Variants in NCAPG2 observed in about 807,000 individuals in gnomAD.
The protein encoded by NCAPG2 is condensin-2 complex subunit G2.
A neutral mutation model predicts 141.1 loss-of-function variants in NCAPG2; 53 were observed. The ratio of observed to expected loss-of-function variants is 0.38; its 90% CI spans 0.30 to 0.47. The LOEUF (loss-of-function observed/expected upper bound fraction) is 0.47. Ranked by LOEUF, NCAPG2 falls within the 20% of genes least tolerant of loss-of-function variation. The probability of loss-of-function intolerance (pLI) is 0.99; values close to 1 mark genes in which losing one functional copy is unlikely to be tolerated. For missense variants in NCAPG2, 1,087 were observed against 1,389.0 expected (o/e 0.78, Z 3.46); for synonymous variants, 499 against 490.7 (o/e 1.02, Z -0.22).
intron 9 of NCAPG2, among the ~76,000 whole-genome samples, chr7:158,683,071 A>G (rs1834538274): frequency 6.6e-6 from 1 of 152,218 alleles, no homozygotes; most frequent in South Asian, 2.1e-4. Flanking sequence ...AGAGAATTGA[A>G]TTTAAGGTCA....
intron 27 of NCAPG2, 41 bp from the exon 28 acceptor site, chr7:158,631,758 T>C (rs763243942): frequency 6.8e-7 from 1 of 1,462,646 alleles, no homozygotes; most frequent in Non-Finnish European, 9.5e-7. Context: ...CAGAAAAAAG[T>C]GACCAAATTA....
chr7:158,675,594 T>C lies in NCAPG2; in HGVS notation c.1209A>G (p.Ile403Met). ...RSTGILGVCK[I>M]TSKYWEMMPP... ...GCATCATTTCCCAGTACTTAGAAGT[T>C]ATTTTACAAACACCAAGGATCCCTG... is the stretch of plus-strand genomic sequence containing the variant. Residue 403 changes from isoleucine to methionine, a missense_variant, in exon 12 of 28, where the codon ATA (isoleucine) becomes ATG (methionine). Ile to Met is a conservative substitution (Grantham distance 10). Transcript: ENST00000356309. 6.2e-7 allele frequency: 1 copy of C among 1,613,852 alleles called. No individual in the cohort carries two copies.
chr7:158,668,160 TACCCACTACTGG>T (rs1833336590), intron 13 of NCAPG2: 2 of 418,220 alleles, frequency 4.8e-6, no homozygotes, highest in Non-Finnish European at 6.1e-6. Flanking sequence ...TCCACCCTCT[TACCCACTACTGG>T]GTCCCTCCGC....
intron 16 of NCAPG2, among the ~76,000 whole-genome samples, chr7:158,659,324 C>A (rs1832285215): frequency 8.9e-6 from 1 of 112,380 alleles, no homozygotes; most frequent in African/African-American, 3.7e-5. Flanking sequence ...AGCAAGACTC[C>A]ATCTCAAAAA....
chr7:158,693,686 T>C (rs1448134677), intron 2 of NCAPG2, among the ~76,000 whole-genome samples, 189 bp from the exon 3 acceptor site: 1 of 152,232 alleles, frequency 6.6e-6, no homozygotes, highest in Non-Finnish European at 1.5e-5. Flanking sequence ...CCTAGCATCC[T>C]AATCTTCAGA....
chr7:158,669,641 T>G (rs1833541518), intron 13 of NCAPG2, among the ~76,000 whole-genome samples: 1 of 151,520 alleles, frequency 6.6e-6, no homozygotes. Context: ...TGGTGGCACG[T>G]GCCTGTAGTC....
rs749391123 is a variant in NCAPG2 at position 158,701,862 on chromosome 7, T to C, written c.38A>G (p.Lys13Arg). The change falls in exon 2 of 28, where the codon AAG becomes AGG. Residue 13 changes from lysine to arginine, a missense_variant. Physicochemically the swap from Lys to Arg is conservative, Grantham distance 26 (BLOSUM62 2). Transcript: ENST00000356309. ...TTGCAAAAACTCTCCAACCAGCTCC[T>C]TAGACACGGCTTGTACAAACGTCTC... is the stretch of plus-strand genomic sequence containing the variant. Reference protein sequence around the residue: ...KRETFVQAVSKELVGEFLQFV... With the variant: ...KRETFVQAVSRELVGEFLQFV... 6.2e-7 allele frequency: 1 copy of C among 1,613,796 alleles called. No homozygotes were observed. The highest frequency in any genetic ancestry group is 8.5e-7 in the Non-Finnish European group (1 of 1,179,954).
intron 8 of NCAPG2, among the ~76,000 whole-genome samples, chr7:158,685,100 A>G (rs1834675912): frequency 6.6e-6 from 1 of 152,244 alleles, no homozygotes; most frequent in Non-Finnish European, 1.5e-5. Context: ...TCAGAGAAAA[A>G]TAAAATGATT....
At position 158,645,628 on chromosome 7, in the gene NCAPG2, A is replaced by G. The variant is rs1385690508; in HGVS notation, c.3180-9T>C. ...ATTCATCCAAAAATGACCTGCAAAA[A>G]AATCAACAAACATCAAAATTACTGT... On this transcript the variant is annotated splice_polypyrimidine_tract_variant and intron_variant, in intron 25 of 27. Coordinates refer to ENST00000356309, the MANE Select transcript of NCAPG2 (RefSeq NM_017760.7). The G allele has an allele frequency of 1.9e-6, 3 of 1,610,918 alleles. No individual in the cohort carries two copies. Among genetic ancestry groups the G allele is most frequent in the Non-Finnish European group, 8.5e-7 (1 of 1,177,112 alleles).
chr7:158,640,052 C>CAAAAAAAAAAAA (rs58368997), intron 27 of NCAPG2: 1 of 98,320 alleles, frequency 1.0e-5, no homozygotes, highest in African/African-American at 3.9e-5. Context: ...GAATAAATGC[C>CAAAAAAAAAAAA]AAAAAAAAAA....
chr7:158,636,987 A>C (rs189293145), intron 27 of NCAPG2, among the ~76,000 whole-genome samples: 3 of 150,974 alleles, frequency 2.0e-5, no homozygotes, highest in African/African-American at 4.9e-5. Context: ...CTGCTCTGTC[A>C]CCCAGGCTGG....
intron 11 of NCAPG2, 55 bp from the exon 12 acceptor site, chr7:158,675,711 A>G (rs538786209): frequency 6.4e-7 from 1 of 1,557,104 alleles, no homozygotes; most frequent in African/African-American, 1.4e-5. Flanking sequence ...CCCGAAATCC[A>G]CATCTGCTTC....
intron 13 of NCAPG2, among the ~76,000 whole-genome samples, chr7:158,669,224 T>A (rs1310712654): frequency 6.6e-6 from 1 of 152,228 alleles, no homozygotes; most frequent in South Asian, 2.1e-4. Context: ...AGTGCTTCAA[T>A]GAACATACGC....
In NCAPG2 at chr7:158,656,203, T is replaced by C; in HGVS notation, c.2388+57A>G. 7.7e-6 allele frequency: 12 copies of C among 1,564,754 alleles called. No homozygotes were observed. The South Asian group carries it at 1.1e-4, about 14-fold the overall frequency. On this transcript the variant is annotated intron_variant, in intron 19 of 27. Transcript: ENST00000356309. ...CTGTAAATATGAAAGCTTCACACTT[T>C]GATTTGTCACCCCCACAATCATAGG...
chr7:158,667,209 C>T (rs1457291766), intron 13 of NCAPG2: 6 of 985,380 alleles, frequency 6.1e-6, no homozygotes, highest in Non-Finnish European at 7.2e-6. Context: ...CGCAAACGTT[C>T]TGCCTTCTTC....
At position 158,631,604 on chromosome 7, in the gene NCAPG2, C is replaced by T. The variant is rs1563480465; in HGVS notation, c.*62G>A. 1.5e-5 allele frequency: 21 copies of T among 1,382,036 alleles called. No individual in the cohort carries two copies. The highest frequency in any genetic ancestry group is 2.2e-5 in the Non-Finnish European group (21 of 972,746). 85.6% of individuals were successfully genotyped at this position (1,382,036 alleles called of 1,614,324 possible). A position where few individuals can be genotyped will look rare whatever the true frequency, so the allele number is the denominator to read the frequency against. On this transcript the variant is annotated 3_prime_UTR_variant, in exon 28 of 28. Transcript: ENST00000356309. ...TAACATTAAAAACAATAGGAAAATA[C>T]ACAGGCATTTCAATTTGAATCACTT... is the stretch of plus-strand genomic sequence containing the variant.
chr7:158,669,021 A>G (rs912346720), intron 13 of NCAPG2, among the ~76,000 whole-genome samples: 6 of 152,098 alleles, frequency 3.9e-5, no homozygotes. Context: ...AACATGCGGT[A>G]TTTTGTTTTC....
intron 25 of NCAPG2, 40 bp from the exon 26 acceptor site, chr7:158,645,659 A>T: frequency 6.5e-7 from 1 of 1,537,790 alleles, no homozygotes; most frequent in South Asian, 1.1e-5. Context: ...ACTGTATCAT[A>T]TAGACCCTAA....
At chr7:158,638,051 C>T (rs2129456169) in intron 27 of NCAPG2, among the ~76,000 whole-genome samples, 1 of 152,160 alleles carries the variant, frequency 6.6e-6, no homozygotes, top group Admixed American at 6.5e-5. Flanking sequence ...GGCTGATGCA[C>T]AAGAATTACT....
Sources: gnomAD v4.1 joint callset for allele counts (sites outside exome capture counted in the v4.1 genomes callset) on GRCh38, gnomAD v4.1.1 for gene constraint, MANE v1.5 for transcripts, NCBI Gene and HGNC (gene_info 2026-07-23, HGNC 2026-07-21) for gene names.